The following EBF2 variants were observed in gnomAD, a reference collection of about 807,000 sequenced individuals.
EBF2 encodes EBF transcription factor 2, also known as transcription factor COE2.
In EBF2, 21 loss-of-function variants were observed where a neutral mutation model predicts 72.8. The ratio of observed to expected loss-of-function variants is 0.29; its 90% CI spans 0.20 to 0.42. The LOEUF (loss-of-function observed/expected upper bound fraction) is 0.42. Among genes scored for constraint, EBF2 ranks in the 10% least tolerant of loss-of-function variants. The pLI, the probability that EBF2 is intolerant of heterozygous loss-of-function variation, is 1.00. For missense variants in EBF2, 637 were observed against 731.2 expected, an observed-to-expected ratio of 0.87 and a Z score of 1.49; for synonymous variants, 299 against 274.2, an observed-to-expected ratio of 1.09 and a Z score of -0.89.
At chr8:25,905,395 A>G (rs1563395680) in intron 7 of EBF2, among the ~76,000 whole-genome samples, 1 of 152,202 alleles carries the variant, frequency 6.6e-6, no homozygotes, top group Admixed American at 6.5e-5. Flanking sequence ...CACAAATACT[A>G]ACAGTGTCAT....
rs1563208094 is a variant in EBF2, at chr8:26,011,803, C to CCTTT, written c.551+21281_551+21282insAAAG. On this transcript the variant is annotated intron_variant, in intron 6 of 15. Coordinates refer to ENST00000520164, the MANE Select transcript of EBF2 (RefSeq NM_022659.4). The stretch of plus-strand genomic sequence containing the variant: ...TAACGGAGAATAGAATTTACTTGAA[C>CCTTT]TTTTTTTTAAAAAAAAAAAGCAATG... 2.1e-5 allele frequency among the ~76,000 whole-genome samples: 3 copies of CCTTT among 140,192 alleles called. No homozygotes were observed. In the East Asian group the frequency reaches 6.7e-4, roughly 31 times the overall value. 92.0% of individuals were successfully genotyped at this position (140,192 alleles called of 152,430 possible).
chr8:26,005,649 G>A (rs568913661), intron 6 of EBF2, among the ~76,000 whole-genome samples: 11 of 134,640 alleles, frequency 8.2e-5, no homozygotes, highest in African/African-American at 2.8e-4. Flanking sequence ...GGGCAACATA[G>A]TGAGACTCTG....
chr8:25,865,044 G>A (rs530377895), intron 10 of EBF2, among the ~76,000 whole-genome samples: 12 of 152,072 alleles, frequency 7.9e-5, no homozygotes, highest in Admixed American at 3.9e-4. Flanking sequence ...CTCGTGATCC[G>A]CCTGCCTCGG....
chr8:25,954,172 T>C (rs1355272303), intron 6 of EBF2, among the ~76,000 whole-genome samples: 1 of 152,172 alleles, frequency 6.6e-6, no homozygotes, highest in Non-Finnish European at 1.5e-5. Flanking sequence ...AGGGTATGTG[T>C]GGGAGAGAGA....
chr8:26,020,797 C>T (rs1805192786), intron 6 of EBF2, among the ~76,000 whole-genome samples: 1 of 152,060 alleles, frequency 6.6e-6, no homozygotes, highest in Non-Finnish European at 1.5e-5. Context: ...AGATACAGGT[C>T]TAAAGGGTGG....
intron 6 of EBF2, among the ~76,000 whole-genome samples, chr8:25,909,566 T>C (rs868539073): frequency 2.6e-5 from 4 of 152,236 alleles, no homozygotes; most frequent in East Asian, 1.9e-4. Flanking sequence ...GGAAAAGATA[T>C]ACATTTTCCT....
intron 11 of EBF2, among the ~76,000 whole-genome samples, 184 bp from the exon 12 acceptor site, chr8:25,861,558 C>T (rs192384633): frequency 6.1e-4 from 93 of 152,256 alleles, no homozygotes; most frequent in African/African-American, 2.0e-3. Context: ...TCTGTAAATA[C>T]GTATCTATCT....
At chr8:25,922,275 A>T (rs1380749101) in intron 6 of EBF2, among the ~76,000 whole-genome samples, 1 of 152,066 alleles carries the variant, frequency 6.6e-6, no homozygotes, top group Non-Finnish European at 1.5e-5. Flanking sequence ...AACAAAAAAA[A>T]CACCTGGTTT....
intron 6 of EBF2, among the ~76,000 whole-genome samples, chr8:26,010,825 T>C (rs965747392): frequency 1.3e-5 from 2 of 152,350 alleles, no homozygotes; most frequent in East Asian, 1.9e-4. Context: ...AGCGGCTCTT[T>C]CTGTCCTTCA....
intron 6 of EBF2, among the ~76,000 whole-genome samples, chr8:25,930,902 C>A (rs1803468873): frequency 6.6e-6 from 1 of 152,100 alleles, no homozygotes; most frequent in Non-Finnish European, 1.5e-5. Context: ...TCCAGCAATC[C>A]CCCTCTATCA....
chr8:25,999,149 T>G (rs1804682064), intron 6 of EBF2, among the ~76,000 whole-genome samples: 2 of 152,104 alleles, frequency 1.3e-5, no homozygotes, highest in Admixed American at 1.3e-4. Flanking sequence ...ATGTACCCAA[T>G]AGGCCCTTGA....
At chr8:25,916,822 G>A (rs899788544) in intron 6 of EBF2, among the ~76,000 whole-genome samples, 1 of 152,024 alleles carries the variant, frequency 6.6e-6, no homozygotes, top group African/African-American at 2.4e-5. Context: ...AGGCCCCATC[G>A]AGTCACTTTC....
At chr8:26,011,791 A>C (rs553842933) in intron 6 of EBF2, among the ~76,000 whole-genome samples, 57 of 152,074 alleles carry the variant, frequency 3.7e-4, no homozygotes, top group African/African-American at 1.3e-3. Context: ...CGGAGAATAG[A>C]ATTTACTTGA....
intron 6 of EBF2, among the ~76,000 whole-genome samples, chr8:26,009,997 G>GAGA: frequency 6.6e-6 from 1 of 152,328 alleles, no homozygotes; most frequent in South Asian, 2.1e-4. Flanking sequence ...AAATGGATGA[G>GAGA]AGATACTGCC....
chr8:26,041,022 TCG>T lies in EBF2; in HGVS notation c.289-22_289-21del. On this transcript the variant is annotated intron_variant, in intron 2 of 15. Coordinates refer to ENST00000520164, the MANE Select transcript of EBF2 (RefSeq NM_022659.4). ...TTGTTCCTGAAAAGACAGGCAGCGT[TCG>T]ATTCCCTTGCCTTTCAGCCCCCCAA... is the stretch of plus-strand genomic sequence containing the variant. 6.2e-7 allele frequency: 1 copy of T among 1,613,742 alleles called. No individual in the cohort carries two copies. The highest frequency in any genetic ancestry group is 8.5e-7 in the Non-Finnish European group (1 of 1,179,846).
At chr8:25,994,367 G>A (rs1804589765) in intron 6 of EBF2, among the ~76,000 whole-genome samples, 1 of 152,046 alleles carries the variant, frequency 6.6e-6, no homozygotes, top group African/African-American at 2.4e-5. Flanking sequence ...AACAGAAATA[G>A]GACTTCCACT....
chr8:26,040,671 C>T lies in EBF2; in HGVS notation c.353G>A (p.Gly118Asp). ...HYKLQLLYSN[G>D]VRTEQDLYVR... ...ATAGAGGTCCTGTTCCGTGCGGACA[C>T]CTGCGGGGACCGGAGGGGCACGAGT... The change falls in exon 4 of 16, where the codon GGT (glycine) becomes GAT (aspartate). Residue 118 changes from glycine to aspartate, a missense_variant and splice_region_variant. Coordinates refer to ENST00000520164, the MANE Select transcript of EBF2 (RefSeq NM_022659.4). The T allele has an allele frequency of 6.4e-7, 1 of 1,555,002 alleles. No individual in the cohort carries two copies. Among genetic ancestry groups the T allele is most frequent in the East Asian group, 2.4e-5 (1 of 41,304 alleles).
intron 6 of EBF2, among the ~76,000 whole-genome samples, chr8:26,030,439 G>A (rs191968148): frequency 3.3e-5 from 5 of 152,146 alleles, no homozygotes; most frequent in East Asian, 1.9e-4. Flanking sequence ...GTGGGGGAAG[G>A]GGGGAGGGAG....
intron 10 of EBF2, among the ~76,000 whole-genome samples, chr8:25,866,466 T>A (rs1042548911): frequency 1.1e-4 from 15 of 142,674 alleles, no homozygotes; most frequent in African/African-American, 3.8e-4. Context: ...ATATAATATA[T>A]AGGATATATA....
Sources: allele counts gnomAD v4.1 joint callset (sites outside exome capture counted in the v4.1 genomes callset), GRCh38; gene constraint gnomAD v4.1.1; transcripts MANE v1.5; gene names NCBI Gene and HGNC (gene_info 2026-07-23, HGNC 2026-07-21).